The following ARHGAP39 variants were observed in gnomAD, a reference collection of about 807,000 sequenced individuals.
The protein encoded by ARHGAP39 is rho GTPase-activating protein 39.
In ARHGAP39, 44 loss-of-function variants were observed where a neutral mutation model predicts 106.9. The ratio of observed to expected loss-of-function variants is 0.41; its 90% CI spans 0.32 to 0.53. The LOEUF (loss-of-function observed/expected upper bound fraction) is 0.53, where lower values mean the gene tolerates loss of function less well. ARHGAP39 is among the 20% of genes least tolerant of loss of function. The pLI is 0.21. For missense variants in ARHGAP39, 1,496 were observed against 1,577.3 expected (o/e 0.95, Z 0.87); for synonymous variants, 768 against 693.2 (o/e 1.11, Z -1.69).
chr8:144,545,707 G>A lies in ARHGAP39; in HGVS notation c.2063C>T (p.Pro688Leu). The A allele has an allele frequency of 1.2e-6, 2 of 1,613,040 alleles. No homozygotes were observed. Among genetic ancestry groups the A allele is most frequent in the Non-Finnish European group, 1.7e-6 (2 of 1,179,986 alleles). The change falls in exon 6 of 12, where the codon CCC becomes CTC. Residue 688 changes from proline (P) to leucine (L), a missense_variant. By Grantham distance (98) the Pro-to-Leu change is moderately conservative. Coordinates refer to ENST00000377307, the MANE Select transcript of ARHGAP39 (RefSeq NM_025251.3). The part of the protein sequence containing the change: ...CVFPTFTLRK[P>L]SSETDIENWA... The stretch of plus-strand genomic sequence containing the variant: ...GTTCTCGATGTCCGTCTCCGAGGAG[G>A]GCTTGCGCAGCGTGAAAGTGGGGAA...
intron 2 of ARHGAP39, among the ~76,000 whole-genome samples, chr8:144,587,594 C>G (rs764400953): frequency 1.3e-5 from 2 of 151,146 alleles, no homozygotes; most frequent in Non-Finnish European, 2.9e-5. Context: ...AGGGAGCACA[C>G]GGGAGCGGGC....
At chr8:144,593,486 A>T (rs1819484095) in intron 2 of ARHGAP39, among the ~76,000 whole-genome samples, 1 of 152,180 alleles carries the variant, frequency 6.6e-6, no homozygotes, top group Admixed American at 6.5e-5. Context: ...CTTAGAATAG[A>T]CGGGGCGGCT....
chr8:144,581,262 C>A lies in ARHGAP39; in HGVS notation c.96G>T (p.Glu32Asp). The A allele has an allele frequency of 1.3e-6, 2 of 1,548,136 alleles. No individual in the cohort carries two copies. The highest frequency in any genetic ancestry group is 1.7e-6 in the Non-Finnish European group (2 of 1,146,438). The stretch of plus-strand genomic sequence containing the variant: ...GCTCGCGGGTGCGCGGTTCGATGAT[C>A]TCCACCCACTCCAACCTGGGGAGAG... Reference protein sequence around the residue: ...PGSNTRLEWVEIIEPRTRERM... With the variant: ...PGSNTRLEWVDIIEPRTRERM... Residue 32 changes from glutamate (E) to aspartate (D), a missense_variant, in exon 3 of 12, where the codon GAG becomes GAT. By Grantham distance (45) the Glu-to-Asp change is conservative. Around this residue, in one of 4 missense-constraint regions of ARHGAP39, gnomAD observed 96 missense variants for 107.9 expected, o/e 0.89. Coordinates refer to ENST00000377307, the MANE Select transcript of ARHGAP39 (RefSeq NM_025251.3).
intron 1 of ARHGAP39, among the ~76,000 whole-genome samples, chr8:144,633,418 C>G (rs2130981104): frequency 6.6e-6 from 1 of 152,152 alleles, no homozygotes; most frequent in South Asian, 2.1e-4. Flanking sequence ...GAGATCATGC[C>G]ACTGCACTCC....
At chr8:144,660,294 A>AAT (rs1471294609) in intron 1 of ARHGAP39, among the ~76,000 whole-genome samples, 23 of 152,268 alleles carry the variant, frequency 1.5e-4, no homozygotes, top group African/African-American at 5.3e-4. Context: ...GCCTCTGGTT[A>AAT]AATAATATAA....
intron 4 of ARHGAP39, among the ~76,000 whole-genome samples, chr8:144,554,928 G>C (rs945168554): frequency 1.3e-5 from 2 of 152,232 alleles, no homozygotes; most frequent in Admixed American, 1.3e-4. Context: ...GCCCCTGGGT[G>C]GCCCATGCTG....
chr8:144,643,532 T>G (rs1405208172), intron 1 of ARHGAP39, among the ~76,000 whole-genome samples: 1 of 152,074 alleles, frequency 6.6e-6, no homozygotes, highest in East Asian at 1.9e-4. Flanking sequence ...ACCACTTTGG[T>G]TCTCACCCCG....
intron 1 of ARHGAP39, among the ~76,000 whole-genome samples, chr8:144,682,822 G>A (rs141176775): frequency 4.6e-5 from 7 of 152,200 alleles, no homozygotes; most frequent in African/African-American, 1.7e-4. Flanking sequence ...ACCAATCTGG[G>A]TGACATGGCA....
chr8:144,627,654 A>C (rs1388345722), intron 1 of ARHGAP39, among the ~76,000 whole-genome samples: 1 of 151,728 alleles, frequency 6.6e-6, no homozygotes, highest in East Asian at 1.9e-4. Flanking sequence ...GCACTTTGGG[A>C]GGCTGAGGTG....
chr8:144,581,005 G>C lies in ARHGAP39; in HGVS notation c.353C>G (p.Ala118Gly). The change falls in exon 3 of 12, where the codon GCC (alanine) becomes GGC (glycine). Residue 118 changes from alanine to glycine, a missense_variant. By Grantham distance (60) the Ala-to-Gly change is moderately conservative. Around this residue, in one of 4 missense-constraint regions of ARHGAP39, gnomAD observed 905 missense variants for 816.4 expected, o/e 1.11. Transcript: ENST00000377307. ...TLKQNTESPRASAESSPGRGS... is the reference protein window; with the variant it reads ...TLKQNTESPRGSAESSPGRGS... ...GCGCCCGGGGCTGCTCTCCGCCGAG[G>C]CGCGCGGGGACTCCGTGTTCTGCTT... The C allele has an allele frequency of 6.3e-7, 1 of 1,592,158 alleles. No individual in the cohort carries two copies. Among genetic ancestry groups the C allele is most frequent in the Non-Finnish European group, 8.5e-7 (1 of 1,169,952 alleles).
chr8:144,544,617 C>G (rs755874919), intron 6 of ARHGAP39, among the ~76,000 whole-genome samples: 31 of 152,222 alleles, frequency 2.0e-4, no homozygotes, highest in Non-Finnish European at 3.2e-4. Context: ...TGGCCTGGGC[C>G]CAGCACACCT....
chr8:144,534,004 G>T (rs557146971), intron 8 of ARHGAP39, 125 bp downstream of exon 8: 2 of 1,081,898 alleles, frequency 1.8e-6, no homozygotes, highest in Non-Finnish European at 2.7e-6. Context: ...CCGCCTAGGC[G>T]GGCTCCATGT....
intron 1 of ARHGAP39, among the ~76,000 whole-genome samples, chr8:144,676,692 C>T (rs185200091): frequency 3.9e-5 from 6 of 152,368 alleles, no homozygotes; most frequent in South Asian, 2.1e-4. Flanking sequence ...AGAGGAAGCT[C>T]GTCCCAGATC....
intron 3 of ARHGAP39, among the ~76,000 whole-genome samples, chr8:144,580,075 C>T (rs1240984163): frequency 1.3e-5 from 2 of 152,148 alleles, no homozygotes; most frequent in African/African-American, 4.8e-5. Context: ...CCACCGTCCT[C>T]TCTGGACTCG....
At chr8:144,555,675 T>G in intron 3 of ARHGAP39, 32 bp from the exon 4 acceptor site, 6 of 1,554,920 alleles carry the variant, frequency 3.9e-6, no homozygotes, top group South Asian at 1.1e-5. Context: ...GAAATATGAA[T>G]ATAAGTGCAA....
chr8:144,547,767 C>A lies in ARHGAP39; in HGVS notation c.1319G>T (p.Arg440Leu). The A allele has an allele frequency of 6.3e-7, 1 of 1,598,002 alleles. No homozygotes were observed. Among genetic ancestry groups the A allele is most frequent in the Non-Finnish European group, 8.5e-7 (1 of 1,177,174 alleles). The change falls in exon 5 of 12, where the codon CGC becomes CTC. Residue 440 changes from arginine to leucine, a missense_variant. This residue lies in a region of ARHGAP39 where 905 missense variants were observed against 816.4 expected (regional missense o/e 1.11). Transcript: ENST00000377307. This position sits in a 1 kb window ranked among gnomAD's most constrained non-coding sequence, Gnocchi z 5.2. ...GTAGTCTCCGGACTTGACGCCCAGGCGCTGGTCCCTCAGCAGGCAGGGGCT... is the reference window on the plus strand; with the variant it reads ...GTAGTCTCCGGACTTGACGCCCAGGAGCTGGTCCCTCAGCAGGCAGGGGCT... The part of the protein sequence containing the change: ...QPSPCLLRDQ[R>L]LGVKSGDYST...
At chr8:144,594,260 A>G (rs926413274) in intron 2 of ARHGAP39, among the ~76,000 whole-genome samples, 3 of 152,166 alleles carry the variant, frequency 2.0e-5, no homozygotes, top group Non-Finnish European at 4.4e-5. Context: ...AAGAGACACC[A>G]TCTCAAACCC....
chr8:144,530,678 G>A (rs1816653128), intron 11 of ARHGAP39, 24 bp downstream of exon 11: 4 of 1,558,834 alleles, frequency 2.6e-6, no homozygotes, highest in South Asian at 1.2e-5. Context: ...GGAAAGCAGC[G>A]GGGACCCCCG....
chr8:144,537,760 A>G lies in ARHGAP39; in HGVS notation c.2575T>C (p.Leu859=), dbSNP rs768801452. The change falls in exon 7 of 12, where the codon TTG becomes CTG. Residue 859 remains leucine (L), a synonymous_variant. Transcript: ENST00000377307. ...ACATAAGGCTTGGGTTTCTTTCTCAATTTGGACTTCTTCTTAGTGTTTCTT... is the reference window on the plus strand; with the variant it reads ...ACATAAGGCTTGGGTTTCTTTCTCAGTTTGGACTTCTTCTTAGTGTTTCTT... ...LERNTKKKSK[L]RKKPKPYVEE... is the part of the protein sequence containing the mutation. The G allele has an allele frequency of 3.1e-6, 5 of 1,613,964 alleles. No homozygotes were observed. Among genetic ancestry groups the G allele is most frequent in the Middle Eastern group, 1.6e-4 (1 of 6,084 alleles).
Sources: allele counts gnomAD v4.1 joint callset (sites outside exome capture counted in the v4.1 genomes callset), GRCh38; gene constraint gnomAD v4.1.1; regional missense constraint gnomAD v4.1.1; non-coding constraint Gnocchi (gnomAD v3.1); transcripts MANE v1.5; gene names NCBI Gene and HGNC (gene_info 2026-07-23, HGNC 2026-07-21).